Variants in ZCWPW2 observed in about 807,000 individuals in gnomAD.
ZCWPW2 encodes the protein zinc finger CW-type PWWP domain protein 2.
ZCWPW2 carries 45 observed loss-of-function variants against 46.6 expected under a neutral mutation model. The observed-to-expected ratio is 0.96, with a 90% confidence interval of 0.76 to 1.24. The LOEUF is 1.24. Ranked by LOEUF, ZCWPW2 falls within the 50% of genes most tolerant of loss-of-function variation. The pLI, the probability that ZCWPW2 is intolerant of heterozygous loss-of-function variation, is 0.00. For missense variants in ZCWPW2, 429 were observed against 403.9 expected, an observed-to-expected ratio of 1.06 and a Z score of -0.53; for synonymous variants, 152 against 137.1, an observed-to-expected ratio of 1.11 and a Z score of -0.76.
At chr3:28,350,078 C>T (rs1400881296) in intron 1 of ZCWPW2, among the ~76,000 whole-genome samples, 1 of 152,152 alleles carries the variant, frequency 6.6e-6, no homozygotes, top group African/African-American at 2.4e-5. Context: ...ATTTACTGGG[C>T]TGGAGAATGG....
intron 6 of ZCWPW2, among the ~76,000 whole-genome samples, chr3:28,497,970 ATTCTGTAAGTCCC>A (rs983957679): frequency 2.0e-5 from 3 of 152,082 alleles, no homozygotes; most frequent in African/African-American, 4.8e-5. Context: ...GTGGGTCTAG[ATTCTGTAAGTCCC>A]TTCCTACTCT....
intron 1 of ZCWPW2, among the ~76,000 whole-genome samples, chr3:28,389,828 G>A (rs1014609596): frequency 7.9e-5 from 12 of 152,184 alleles, no homozygotes; most frequent in Non-Finnish European, 1.6e-4. Flanking sequence ...TGCAGTTTGA[G>A]TCTAAAGTCA....
At chr3:28,401,921 G>A (rs1333749748) in intron 2 of ZCWPW2, among the ~76,000 whole-genome samples, 1 of 151,768 alleles carries the variant, frequency 6.6e-6, no homozygotes, top group Admixed American at 6.6e-5. Flanking sequence ...ATACAGCAAA[G>A]GCAGTGCTAA....
In ZCWPW2 at chr3:28,348,830, A is replaced by C. The variant is rs2125679489; in HGVS notation, c.-507A>C. On this transcript the variant is annotated 5_prime_UTR_variant, in exon 1 of 10. Transcript: ENST00000383768. ...CCGGGACGTTCTGGAAGGAGGGACG[A>C]GCCGAGGCAGGAGGGGCCGGGCCGA... The C allele has an allele frequency of 2.2e-6, 1 of 461,080 alleles. No individual in the cohort carries two copies. The highest frequency in any genetic ancestry group is 9.0e-5 in the South Asian group (1 of 11,164). 28.6% of individuals were successfully genotyped at this position (461,080 alleles called of 1,614,324 possible). A position where few individuals can be genotyped will look rare whatever the true frequency, so the allele number is the denominator to read the frequency against.
At chr3:28,454,687 G>T (rs538479787) in intron 4 of ZCWPW2, among the ~76,000 whole-genome samples, 7 of 152,208 alleles carry the variant, frequency 4.6e-5, no homozygotes, top group Admixed American at 4.6e-4. Context: ...CTCCCCTTGT[G>T]TCTATTTGGT....
intron 4 of ZCWPW2, among the ~76,000 whole-genome samples, chr3:28,454,694 T>C (rs578252788): frequency 2.2e-4 from 34 of 152,284 alleles, no homozygotes; most frequent in Non-Finnish European, 4.0e-4. Flanking sequence ...TGTGTCTATT[T>C]GGTCTCATGT....
intron 1 of ZCWPW2, among the ~76,000 whole-genome samples, chr3:28,363,691 A>G (rs1456595488): frequency 6.6e-6 from 1 of 152,128 alleles, no homozygotes; most frequent in Non-Finnish European, 1.5e-5. Context: ...CACCCCAGAG[A>G]TAGGTACCAG....
At chr3:28,454,177 A>G (rs1048449857) in intron 4 of ZCWPW2, among the ~76,000 whole-genome samples, 2 of 152,110 alleles carry the variant, frequency 1.3e-5, no homozygotes, top group African/African-American at 2.4e-5. Flanking sequence ...TATATTGTTT[A>G]TCATTTTCCT....
intron 4 of ZCWPW2, among the ~76,000 whole-genome samples, chr3:28,467,586 G>T (rs1421606658): frequency 2.0e-5 from 3 of 152,178 alleles, no homozygotes; most frequent in African/African-American, 4.8e-5. Context: ...CATTCCCAGT[G>T]GTGGTGGCCA....
At chr3:28,470,162 T>C (rs1164802848) in intron 4 of ZCWPW2, among the ~76,000 whole-genome samples, 2 of 152,098 alleles carry the variant, frequency 1.3e-5, no homozygotes, top group African/African-American at 2.4e-5. Flanking sequence ...AATTAAACAG[T>C]ATGCTCCTGA....
intron 4 of ZCWPW2, among the ~76,000 whole-genome samples, chr3:28,454,345 C>A (rs138854297): frequency 6.6e-6 from 1 of 152,098 alleles, no homozygotes; most frequent in Non-Finnish European, 1.5e-5. Context: ...TTAGGTCATG[C>A]AAATATTTGT....
At chr3:28,456,882 GAC>G (rs1698444934) in intron 4 of ZCWPW2, among the ~76,000 whole-genome samples, 1 of 152,238 alleles carries the variant, frequency 6.6e-6, no homozygotes, top group African/African-American at 2.4e-5. Context: ...CCAGTATTTT[GAC>G]GAGGATTTTT....
chr3:28,414,458 A>G (rs1011007103), intron 3 of ZCWPW2, among the ~76,000 whole-genome samples: 1 of 150,724 alleles, frequency 6.6e-6, no homozygotes, highest in African/African-American at 2.4e-5. Flanking sequence ...GTTTTTTTTT[A>G]ATTTTATTAT....
intron 1 of ZCWPW2, among the ~76,000 whole-genome samples, chr3:28,372,163 C>G (rs2125702857): frequency 6.6e-6 from 1 of 152,050 alleles, no homozygotes; most frequent in South Asian, 2.1e-4. Context: ...TTCATACTAC[C>G]ATAATTATAT....
At chr3:28,360,713 C>A (rs115580393) in intron 1 of ZCWPW2, among the ~76,000 whole-genome samples, 1,602 of 151,672 alleles carry the variant, frequency 0.011, 26 homozygotes, top group African/African-American at 0.037. Flanking sequence ...TGATTTACAT[C>A]ACAGCCACTA....
chr3:28,488,699 T>G (rs536770453), intron 5 of ZCWPW2, among the ~76,000 whole-genome samples: 1 of 152,310 alleles, frequency 6.6e-6, no homozygotes, highest in Middle Eastern at 3.4e-3. Flanking sequence ...GCTCCTCTTT[T>G]GCACTTTAAA....
At chr3:28,478,426 A>G (rs752358198) in intron 4 of ZCWPW2, 1 of 170,104 alleles carries the variant, frequency 5.9e-6, no homozygotes, top group Non-Finnish European at 1.3e-5. Context: ...ATTTTCTTCT[A>G]ATAAGAAACT....
chr3:28,450,336 C>T (rs919809825), intron 4 of ZCWPW2, among the ~76,000 whole-genome samples: 1 of 152,112 alleles, frequency 6.6e-6, no homozygotes, highest in Non-Finnish European at 1.5e-5. Flanking sequence ...ATGTCTAACC[C>T]AATAGTAATC....
intron 1 of ZCWPW2, among the ~76,000 whole-genome samples, chr3:28,356,686 G>A (rs1704743498): frequency 6.6e-6 from 1 of 152,170 alleles, no homozygotes; most frequent in Non-Finnish European, 1.5e-5. Flanking sequence ...AAAAAATGAT[G>A]AGTTCATGTC....
Sources: gnomAD v4.1 joint callset for allele counts (sites outside exome capture counted in the v4.1 genomes callset) on GRCh38, gnomAD v4.1.1 for gene constraint, MANE v1.5 for transcripts, NCBI Gene and HGNC (gene_info 2026-07-23, HGNC 2026-07-21) for gene names.